The following RGS17 variants were observed in gnomAD, a reference collection of about 807,000 sequenced individuals.
RGS17 encodes the protein regulator of G-protein signaling 17.
RGS17 carries 12 observed loss-of-function variants against 25.5 expected under a neutral mutation model. The ratio of observed to expected loss-of-function variants is 0.47; its 90% CI spans 0.30 to 0.76. The LOEUF (loss-of-function observed/expected upper bound fraction) is 0.76. RGS17 is among the 30% of genes least tolerant of loss of function. RGS17 has a pLI of 0.07. For synonymous variants in RGS17, 71 were observed against 76.9 expected, an observed-to-expected ratio of 0.92 and a Z score of 0.40; for missense variants, 196 against 242.2, an observed-to-expected ratio of 0.81 and a Z score of 1.27.
Position 153,009,766 on chromosome 6 carries a change from T to G in RGS17, c.*1808A>C, listed in dbSNP as rs1176153780. On this transcript the variant is annotated 3_prime_UTR_variant, in exon 5 of 5. Coordinates refer to ENST00000206262, the MANE Select transcript of RGS17 (RefSeq NM_012419.5). ...CCAGTGTAAACAGAATATTTTGTTT[T>G]CTACTCTGCAATTTTTAAAAAATCC... The G allele has an allele frequency of 1.3e-5, 2 of 151,962 alleles. No individual in the cohort carries two copies. Among genetic ancestry groups the G allele is most frequent in the Non-Finnish European group, 2.9e-5 (2 of 67,832 alleles). 9.4% of individuals were successfully genotyped at this position (151,962 alleles called of 1,614,324 possible). A position where few individuals can be genotyped will look rare whatever the true frequency, so the allele number is the denominator to read the frequency against.
chr6:153,078,503 T>G (rs1403093495), intron 1 of RGS17, among the ~76,000 whole-genome samples: 1 of 152,062 alleles, frequency 6.6e-6, no homozygotes, highest in East Asian at 1.9e-4. Flanking sequence ...TTTAAAAATA[T>G]TTTATTACTT....
intron 1 of RGS17, among the ~76,000 whole-genome samples, chr6:153,072,228 T>C (rs1776814249): frequency 6.6e-6 from 1 of 152,138 alleles, no homozygotes; most frequent in Non-Finnish European, 1.5e-5. Flanking sequence ...GGAAAACATA[T>C]AATAGCATTG....
intron 2 of RGS17, among the ~76,000 whole-genome samples, chr6:153,030,370 G>A (rs1010619276): frequency 2.0e-5 from 3 of 152,162 alleles, no homozygotes; most frequent in Non-Finnish European, 4.4e-5. Context: ...CTGTTAAAAT[G>A]GTTGCAAAGA....
At chr6:153,076,739 A>AT (rs1776885774) in intron 1 of RGS17, among the ~76,000 whole-genome samples, 1 of 152,242 alleles carries the variant, frequency 6.6e-6, no homozygotes, top group Non-Finnish European at 1.5e-5. Context: ...TATGCAATAG[A>AT]TTTTACTAGA....
At chr6:153,089,919 T>C (rs1049771615) in intron 1 of RGS17, among the ~76,000 whole-genome samples, 1 of 152,216 alleles carries the variant, frequency 6.6e-6, no homozygotes, top group Non-Finnish European at 1.5e-5. Flanking sequence ...AGATAAACTG[T>C]TAATAAATCT....
At position 153,011,626 on chromosome 6, in the gene RGS17, T is replaced by C; in HGVS notation, c.581A>G (p.Gln194Arg). The change falls in exon 5 of 5, where the codon CAA (glutamine) becomes CGA (arginine). Residue 194 changes from glutamine (Q) to arginine (R), a missense_variant. Around this residue, in one of 2 missense-constraint regions of RGS17, gnomAD observed 179 missense variants for 197.6 expected, o/e 0.91. Coordinates refer to ENST00000206262, the MANE Select transcript of RGS17 (RefSeq NM_012419.5). ...RDSFPRFLNS[Q>R]IYKSFVESTA... Reference sequence around the variant, plus strand: ...ACTTTCAACAAATGACTTATAAATTTGAGAGTTCAAAAACCTTGGAAAAGA... The same window carrying C: ...ACTTTCAACAAATGACTTATAAATTCGAGAGTTCAAAAACCTTGGAAAAGA... The C allele has an allele frequency of 6.2e-7, 1 of 1,612,016 alleles. No homozygotes were observed.
intron 1 of RGS17, among the ~76,000 whole-genome samples, chr6:153,046,521 A>G (rs183004243): frequency 2.6e-5 from 4 of 152,116 alleles, no homozygotes; most frequent in Non-Finnish European, 4.4e-5. Context: ...ATAATAAAAT[A>G]AAATAAATTA....
At chr6:153,094,326 G>A (rs550388352) in intron 1 of RGS17, among the ~76,000 whole-genome samples, 1 of 152,136 alleles carries the variant, frequency 6.6e-6, no homozygotes, top group South Asian at 2.1e-4. Flanking sequence ...CAATCCACTC[G>A]CTTCAGCCTC....
intron 1 of RGS17, among the ~76,000 whole-genome samples, chr6:153,112,580 A>G (rs1777488359): frequency 6.6e-6 from 1 of 152,150 alleles, no homozygotes; most frequent in African/African-American, 2.4e-5. Context: ...GAACACCACA[A>G]AGATACTCCT....
intron 1 of RGS17, among the ~76,000 whole-genome samples, chr6:153,104,062 T>C (rs1777344684): frequency 6.6e-6 from 1 of 152,216 alleles, no homozygotes; most frequent in Admixed American, 6.5e-5. Flanking sequence ...TTCAATCAGT[T>C]GTGAGATAAA....
rs558706305 is a variant in RGS17, at chr6:153,053,271, C to T, written c.-25-9228G>A. On this transcript the variant is annotated intron_variant, in intron 1 of 4. Coordinates refer to ENST00000206262, the MANE Select transcript of RGS17 (RefSeq NM_012419.5). ...AAAACAATGTTGAATAAAAAAGCTG[C>T]AAAATATTAAATACAGTATCAACAT... Among the ~76,000 whole-genome samples the T allele has an allele frequency of 5.3e-5, 8 of 152,124 alleles. No homozygotes were observed. In the East Asian group the frequency reaches 1.4e-3, roughly 26 times the overall value.
At chr6:153,091,470 T>C (rs889536750) in intron 1 of RGS17, among the ~76,000 whole-genome samples, 12 of 151,820 alleles carry the variant, frequency 7.9e-5, no homozygotes, top group East Asian at 1.9e-4. Context: ...ATCCATACTT[T>C]ACAGATTTTT....
At chr6:153,071,361 T>C (rs936320477) in intron 1 of RGS17, among the ~76,000 whole-genome samples, 17 of 151,988 alleles carry the variant, frequency 1.1e-4, no homozygotes, top group African/African-American at 3.6e-4. Context: ...TCATCAGCTA[T>C]TCATATTGTC....
chr6:153,076,657 A>G (rs1438675224), intron 1 of RGS17, among the ~76,000 whole-genome samples: 1 of 152,186 alleles, frequency 6.6e-6, no homozygotes, highest in Non-Finnish European at 1.5e-5. Context: ...GGTTCACATA[A>G]ACAGAAACAG....
At chr6:153,048,849 C>A (rs1186582684) in intron 1 of RGS17, among the ~76,000 whole-genome samples, 1 of 152,140 alleles carries the variant, frequency 6.6e-6, no homozygotes, top group African/African-American at 2.4e-5. Context: ...ACTAGTCATA[C>A]TACAAGTTTT....
intron 2 of RGS17, among the ~76,000 whole-genome samples, chr6:153,041,698 T>G (rs887797054): frequency 2.0e-5 from 3 of 152,238 alleles, no homozygotes; most frequent in African/African-American, 7.2e-5. Flanking sequence ...AAATGAGCAC[T>G]AGAAGTCTAT....
chr6:153,128,135 A>G (rs1459839059), intron 1 of RGS17, among the ~76,000 whole-genome samples: 2 of 152,330 alleles, frequency 1.3e-5, no homozygotes, highest in African/African-American at 2.4e-5. Flanking sequence ...AAGGTTTTCC[A>G]TAAAAATATA....
chr6:153,014,114 T>C (rs994759573), intron 4 of RGS17, among the ~76,000 whole-genome samples: 2 of 152,208 alleles, frequency 1.3e-5, no homozygotes, highest in African/African-American at 4.8e-5. Context: ...AAGGACAGGC[T>C]GACTCTGCTG....
At chr6:153,058,408 T>C (rs1214589967) in intron 1 of RGS17, among the ~76,000 whole-genome samples, 2 of 152,358 alleles carry the variant, frequency 1.3e-5, no homozygotes, top group South Asian at 2.1e-4. Context: ...ACTAATGGTT[T>C]GGTTTATTAT....
Sources: gnomAD v4.1 joint callset for allele counts (sites outside exome capture counted in the v4.1 genomes callset) on GRCh38, gnomAD v4.1.1 for gene constraint, gnomAD v4.1.1 regional missense constraint, MANE v1.5 for transcripts, NCBI Gene and HGNC (gene_info 2026-07-23, HGNC 2026-07-21) for gene names.